Variants in MGAT5B observed in about 807,000 individuals in gnomAD.
MGAT5B encodes the protein N-acetylglucosaminyl-transferase Vb.
A neutral mutation model predicts 95.1 loss-of-function variants in MGAT5B; 54 were observed. The ratio of observed to expected loss-of-function variants is 0.57; its 90% CI spans 0.46 to 0.71. The LOEUF is 0.71. MGAT5B is among the 30% of genes least tolerant of loss of function. MGAT5B has a pLI of 0.00. For synonymous variants in MGAT5B, 464 were observed against 451.0 expected, an observed-to-expected ratio of 1.03 and a Z score of -0.36; for missense variants, 935 against 1,088.6, an observed-to-expected ratio of 0.86 and a Z score of 1.99.
chr17:76,904,639 C>A (rs1480769852), intron 6 of MGAT5B, among the ~76,000 whole-genome samples: 2 of 152,208 alleles, frequency 1.3e-5, no homozygotes, highest in African/African-American at 4.8e-5. Context: ...GTTTGCAGGG[C>A]AGGTGGGGGG....
chr17:76,936,264 C>T (rs1264800459), intron 12 of MGAT5B, among the ~76,000 whole-genome samples: 1 of 152,058 alleles, frequency 6.6e-6, no homozygotes. Context: ...AAAGATTAGC[C>T]ACGTGTGGTG....
chr17:76,903,719 G>C (rs1183988884), intron 5 of MGAT5B, among the ~76,000 whole-genome samples: 1 of 152,212 alleles, frequency 6.6e-6, no homozygotes, highest in Non-Finnish European at 1.5e-5. Context: ...GCCACCACTG[G>C]CTGCATGAAG....
chr17:76,893,498 C>A (rs1362867442), intron 3 of MGAT5B, among the ~76,000 whole-genome samples: 1 of 152,184 alleles, frequency 6.6e-6, no homozygotes, highest in African/African-American at 2.4e-5. Flanking sequence ...ATGCATGTAA[C>A]AAAGACATAA....
At chr17:76,893,780 A>G (rs1263139101) in intron 3 of MGAT5B, among the ~76,000 whole-genome samples, 1 of 152,160 alleles carries the variant, frequency 6.6e-6, no homozygotes, top group Non-Finnish European at 1.5e-5. Context: ...CAGTGGAAAT[A>G]GCCCTGAAAG....
chr17:76,872,134 A>G (rs1967032495), intron 1 of MGAT5B, among the ~76,000 whole-genome samples: 1 of 145,240 alleles, frequency 6.9e-6, no homozygotes, highest in Non-Finnish European at 1.5e-5. Context: ...CACCCTGGCC[A>G]GTCCGTGGTG....
At chr17:76,932,002 T>C (rs1969493035) in intron 10 of MGAT5B, among the ~76,000 whole-genome samples, 1 of 151,820 alleles carries the variant, frequency 6.6e-6, no homozygotes, top group Non-Finnish European at 1.5e-5. Flanking sequence ...CTGGTGGTGC[T>C]TCTTCCTTCT....
At chr17:76,928,502 C>T (rs1017091801) in intron 10 of MGAT5B, among the ~76,000 whole-genome samples, 57 of 152,028 alleles carry the variant, frequency 3.7e-4, no homozygotes, top group African/African-American at 1.3e-3. Context: ...GTCAGAAGCT[C>T]GAGACCAGCC....
chr17:76,947,998 A>C lies in MGAT5B; in HGVS notation c.2092A>C (p.Arg698=). ...ALRAWLAVPG[R]ACTDTCLDHG... ...GCGGGCCTGGCTGGCCGTGCCTGGG[A>C]GGGCCTGCACCGACACCTGCCTGGA... The change falls in exon 17 of 18, where the codon AGG becomes CGG. Residue 698 remains arginine, a synonymous_variant. Transcript: ENST00000569840. 4 of 1,612,382 alleles carry C rather than the reference A, an allele frequency of 2.5e-6. No individual in the cohort carries two copies. Among genetic ancestry groups the C allele is most frequent in the Non-Finnish European group, 3.4e-6 (4 of 1,179,316 alleles).
Position 76,889,189 on chromosome 17 carries a change from C to T in MGAT5B, c.329+6891C>T, listed in dbSNP as rs1171837877. On this transcript the variant is annotated intron_variant, in intron 3 of 17. Coordinates refer to ENST00000569840, the MANE Select transcript of MGAT5B (RefSeq NM_001199172.2). The surrounding 1 kb of genome is among the most constrained non-coding windows in gnomAD (Gnocchi z 4.4). ...AGAAGATGCAGGGCTGGCGCAGGGG[C>T]AGTGTCAGCCCTGGGAGCTCGCCGT... Among the ~76,000 whole-genome samples the T allele has an allele frequency of 6.6e-6, 1 of 152,108 alleles. No homozygotes were observed. The highest frequency in any genetic ancestry group is 6.5e-5 in the Admixed American group (1 of 15,278).
At chr17:76,896,632 C>A (rs1033862872) in intron 3 of MGAT5B, among the ~76,000 whole-genome samples, 8 of 152,176 alleles carry the variant, frequency 5.3e-5, no homozygotes, top group African/African-American at 1.9e-4. Context: ...GGAGTTAAAG[C>A]CTGTGTTCAG....
intron 1 of MGAT5B, among the ~76,000 whole-genome samples, chr17:76,872,272 C>T (rs1279190768): frequency 6.6e-6 from 1 of 152,168 alleles, no homozygotes; most frequent in Non-Finnish European, 1.5e-5. Flanking sequence ...GGTGTTCAAA[C>T]AAGCTCATGA....
intron 3 of MGAT5B, among the ~76,000 whole-genome samples, chr17:76,888,393 C>T (rs1967741799): frequency 1.3e-5 from 2 of 152,098 alleles, no homozygotes; most frequent in Non-Finnish European, 2.9e-5. Flanking sequence ...CTCCGGCGCT[C>T]ATGTTTCCAG....
rs1219443524 is a variant in MGAT5B at position 76,917,418 on chromosome 17, G to A, written c.1026-7548G>A. ...ACTTTGAAGGATCAGCAGTTTGACCGTGGGCTGAGTCACTTGTCATAAGTG... is the reference window on the plus strand; with the variant it reads ...ACTTTGAAGGATCAGCAGTTTGACCATGGGCTGAGTCACTTGTCATAAGTG... On this transcript the variant is annotated intron_variant, in intron 8 of 17. Transcript: ENST00000569840. The surrounding 1 kb of genome is among the most constrained non-coding windows in gnomAD (Gnocchi z 6.1). 2.0e-5 allele frequency among the ~76,000 whole-genome samples: 3 copies of A among 152,062 alleles called. No individual in the cohort carries two copies. The highest frequency in any genetic ancestry group is 4.2e-4 in the South Asian group (2 of 4,814).
chr17:76,926,823 C>A, intron 10 of MGAT5B, 93 bp downstream of exon 10: 1 of 1,462,508 alleles, frequency 6.8e-7, no homozygotes, highest in Non-Finnish European at 9.4e-7. Context: ...GCTCCTCCCT[C>A]TCTTTCCTTC....
At chr17:76,895,325 T>C (rs1968027756) in intron 3 of MGAT5B, among the ~76,000 whole-genome samples, 1 of 152,068 alleles carries the variant, frequency 6.6e-6, no homozygotes, top group Non-Finnish European at 1.5e-5. Context: ...TATAATTATT[T>C]CATAATAATG....
At position 76,905,848 on chromosome 17, in the gene MGAT5B, G is replaced by A. The variant is rs916111850; in HGVS notation, c.856-170G>A. On this transcript the variant is annotated intron_variant, in intron 7 of 17. Coordinates refer to ENST00000569840, the MANE Select transcript of MGAT5B (RefSeq NM_001199172.2). The surrounding 1 kb of genome is among the most constrained non-coding windows in gnomAD (Gnocchi z 4.2). ...GGGCAAGCACGTGACTATCTTGTTC[G>A]CCCGTGTCCCCAGTGCCCGATCTGG... Among the ~76,000 whole-genome samples the A allele has an allele frequency of 5.3e-5, 8 of 151,796 alleles. No homozygotes were observed. Among genetic ancestry groups the A allele is most frequent in the Non-Finnish European group, 1.0e-4 (7 of 68,010 alleles).
intron 13 of MGAT5B, among the ~76,000 whole-genome samples, chr17:76,939,029 G>GGGGGGGTGTGT (rs1237086611): frequency 2.9e-4 from 37 of 128,254 alleles, no homozygotes; most frequent in African/African-American, 1.1e-3. Context: ...GCATCTTGGG[G>GGGGGGGTGTGT]GTGTGTGTGT....
Position 76,948,892 on chromosome 17 carries a change from A to T in MGAT5B, c.*54A>T, listed in dbSNP as rs1970120889. On this transcript the variant is annotated 3_prime_UTR_variant, in exon 18 of 18. Coordinates refer to ENST00000569840, the MANE Select transcript of MGAT5B (RefSeq NM_001199172.2). The stretch of plus-strand genomic sequence containing the variant: ...CACGCTGGCTCTCTCCTGCCGCGGG[A>T]GAAAGCACCAGCAGGTTCTGAGCCC... The T allele has an allele frequency of 6.7e-7, 1 of 1,500,428 alleles. No individual in the cohort carries two copies. The highest frequency in any genetic ancestry group is 1.2e-5 in the South Asian group (1 of 80,596). 92.9% of individuals were successfully genotyped at this position (1,500,428 alleles called of 1,614,324 possible).
At chr17:76,897,209 G>A (rs527710978) in intron 3 of MGAT5B, among the ~76,000 whole-genome samples, 5 of 152,254 alleles carry the variant, frequency 3.3e-5, no homozygotes, top group African/African-American at 9.6e-5. Flanking sequence ...GAACCTCTGG[G>A]CCTGGTCCTG....
Sources: gnomAD v4.1 joint callset for allele counts (sites outside exome capture counted in the v4.1 genomes callset) on GRCh38, gnomAD v4.1.1 for gene constraint, Gnocchi (gnomAD v3.1) non-coding constraint, MANE v1.5 for transcripts, NCBI Gene and HGNC (gene_info 2026-07-23, HGNC 2026-07-21) for gene names.